TMEM132D: variants seen among roughly 807,000 people sequenced by gnomAD.
TMEM132D encodes the protein mature OL transmembrane protein.
In TMEM132D, 21 loss-of-function variants were observed where a neutral mutation model predicts 62.3. The ratio of observed to expected loss-of-function variants is 0.34; its 90% CI spans 0.24 to 0.49. The LOEUF (loss-of-function observed/expected upper bound fraction) is 0.49, where lower values mean the gene tolerates loss of function less well. Among genes scored for constraint, TMEM132D ranks in the 20% least tolerant of loss-of-function variants. The pLI, the probability that TMEM132D is intolerant of heterozygous loss-of-function variation, is 0.99. For missense variants in TMEM132D, 1,346 were observed against 1,402.8 expected (o/e 0.96, Z 0.65); for synonymous variants, 621 against 575.6 (o/e 1.08, Z -1.13).
At chr12:129,640,278 A>G (rs1879609077) in intron 2 of TMEM132D, among the ~76,000 whole-genome samples, 2 of 151,524 alleles carry the variant, frequency 1.3e-5, no homozygotes, top group South Asian at 4.2e-4. Flanking sequence ...GTTTAGCAGG[A>G]AAAAAAAGCC....
rs538780220 is a variant in TMEM132D at position 129,693,052 on chromosome 12, A to C, written c.968+6758T>G. Among the ~76,000 whole-genome samples, 299 of 152,296 alleles carry C rather than the reference A, an allele frequency of 2.0e-3. 3 individuals are homozygous for C. The highest frequency in any genetic ancestry group is 6.8e-3 in the African/African-American group (283 of 41,544). On this transcript the variant is annotated intron_variant, in intron 2 of 8. Transcript: ENST00000422113. ...GTACAATAAGTTTTGATAAAGAAAA[A>C]ACTCTTAGCAAACTAAGAAGGAAAG...
chr12:129,529,543 G>A (rs1246220995), intron 3 of TMEM132D, among the ~76,000 whole-genome samples: 1 of 152,200 alleles, frequency 6.6e-6, no homozygotes, highest in Non-Finnish European at 1.5e-5. Flanking sequence ...AACTCCCTCA[G>A]TCTCTCATAG....
chr12:129,515,669 A>G (rs1208044282), intron 3 of TMEM132D, among the ~76,000 whole-genome samples: 1 of 152,190 alleles, frequency 6.6e-6, no homozygotes, highest in Non-Finnish European at 1.5e-5. Context: ...CCCTCATTCC[A>G]GAGGGGTCCT....
intron 3 of TMEM132D, among the ~76,000 whole-genome samples, chr12:129,394,913 C>T (rs937030022): frequency 3.9e-5 from 6 of 152,180 alleles, no homozygotes; most frequent in South Asian, 2.1e-4. Flanking sequence ...GCAATAGGTA[C>T]ACTCCTCTGT....
At chr12:129,293,971 G>A (rs1282087389) in intron 4 of TMEM132D, among the ~76,000 whole-genome samples, 2 of 152,072 alleles carry the variant, frequency 1.3e-5, no homozygotes, top group African/African-American at 4.8e-5. Context: ...GAGGAGAGGG[G>A]GGCCCCACAG....
intron 2 of TMEM132D, among the ~76,000 whole-genome samples, chr12:129,628,464 G>A (rs1879276563): frequency 6.6e-6 from 1 of 152,302 alleles, no homozygotes; most frequent in South Asian, 2.1e-4. Context: ...TCTGTACCCT[G>A]CTGACCATTA....
At chr12:129,080,341 C>T (rs1874409937) in intron 7 of TMEM132D, among the ~76,000 whole-genome samples, 2 of 152,198 alleles carry the variant, frequency 1.3e-5, no homozygotes, top group Non-Finnish European at 2.9e-5. Flanking sequence ...CCTGTTGTCT[C>T]TCTAACACTC....
At chr12:129,695,767 C>T (rs1319636670) in intron 2 of TMEM132D, among the ~76,000 whole-genome samples, 4 of 152,174 alleles carry the variant, frequency 2.6e-5, no homozygotes, top group Non-Finnish European at 4.4e-5. Context: ...AGCTTATGTG[C>T]GGATAACGAG....
chr12:129,279,408 G>A (rs1881082469), intron 4 of TMEM132D, among the ~76,000 whole-genome samples: 1 of 152,054 alleles, frequency 6.6e-6, no homozygotes, highest in African/African-American at 2.4e-5. Context: ...TTTTGGGAAT[G>A]GGGACTTTTT....
intron 4 of TMEM132D, among the ~76,000 whole-genome samples, chr12:129,310,514 C>T (rs1192689063): frequency 6.6e-6 from 1 of 152,200 alleles, no homozygotes. Flanking sequence ...ACTCTCCTCC[C>T]TCCCTCTGAG....
rs530419226 is a variant in TMEM132D at position 129,687,055 on chromosome 12, G to A, written c.968+12755C>T. On this transcript the variant is annotated intron_variant, in intron 2 of 8. Coordinates refer to ENST00000422113, the MANE Select transcript of TMEM132D (RefSeq NM_133448.3). The stretch of plus-strand genomic sequence containing the variant: ...TAGGAGCAAACTGCTCCTTTCAAAT[G>A]TGTTTATCTCAAATTCCTTGCAAGG... Among the ~76,000 whole-genome samples, 3 of 152,272 alleles carry A rather than the reference G, an allele frequency of 2.0e-5. No individual in the cohort carries two copies. In the East Asian group the frequency reaches 5.8e-4, roughly 29 times the overall value.
At position 129,173,608 on chromosome 12, in the gene TMEM132D, C is replaced by T. The variant is rs78474857; in HGVS notation, c.1443+35912G>A. ...AATCTTCTTTTGTGATTTATGTTTACGCCAGTGTTCAATTCTAGCACCTTC... is the reference window on the plus strand; with the variant it reads ...AATCTTCTTTTGTGATTTATGTTTATGCCAGTGTTCAATTCTAGCACCTTC... On this transcript the variant is annotated intron_variant, in intron 5 of 8. Coordinates refer to ENST00000422113, the MANE Select transcript of TMEM132D (RefSeq NM_133448.3). 1.3e-3 allele frequency among the ~76,000 whole-genome samples: 194 copies of T among 152,266 alleles called. 1 individual carries two copies. The highest frequency in any genetic ancestry group is 3.8e-3 in the African/African-American group (160 of 41,566).
chr12:129,552,880 G>A (rs377521472), intron 2 of TMEM132D, among the ~76,000 whole-genome samples: 10 of 151,390 alleles, frequency 6.6e-5, no homozygotes, highest in East Asian at 3.9e-4. Flanking sequence ...TCTATTTATC[G>A]ATCAGTCATA....
At chr12:129,653,522 T>A (rs896597443) in intron 2 of TMEM132D, among the ~76,000 whole-genome samples, 2 of 152,202 alleles carry the variant, frequency 1.3e-5, no homozygotes, top group Non-Finnish European at 2.9e-5. Context: ...CTGGATAAGA[T>A]AATTCGTATC....
rs370555951 is a variant in TMEM132D at position 129,646,839 on chromosome 12, A to T, written c.968+52971T>A. ...TTTGATATGGAGTTTTGCTCTTGTC[A>T]CCCAGGCTACAGTGCAATGGTGCAA... On this transcript the variant is annotated intron_variant, in intron 2 of 8. Coordinates refer to ENST00000422113, the MANE Select transcript of TMEM132D (RefSeq NM_133448.3). Among the ~76,000 whole-genome samples the T allele has an allele frequency of 4.2e-4, 62 of 145,950 alleles. 1 individual carries two copies. The highest frequency in any genetic ancestry group is 1.5e-3 in the African/African-American group (56 of 38,226).
chr12:129,513,650 A>C (rs1251813158), intron 3 of TMEM132D, among the ~76,000 whole-genome samples: 1 of 149,566 alleles, frequency 6.7e-6, no homozygotes, highest in Non-Finnish European at 1.5e-5. Context: ...ACGCCCGGAT[A>C]ATTTTTTTGT....
At chr12:129,081,114 G>A (rs756599240) in intron 7 of TMEM132D, among the ~76,000 whole-genome samples, 1 of 152,308 alleles carries the variant, frequency 6.6e-6, no homozygotes, top group South Asian at 2.1e-4. Flanking sequence ...GTTGCTGGCC[G>A]TGCCTGTGAT....
chr12:129,129,640 C>T (rs983688152), intron 5 of TMEM132D, among the ~76,000 whole-genome samples: 14 of 152,208 alleles, frequency 9.2e-5, no homozygotes, highest in Non-Finnish European at 1.5e-4. Context: ...TGCACAGCCT[C>T]GCCAGCTCTG....
chr12:129,823,749 T>A (rs1412730426), intron 1 of TMEM132D, among the ~76,000 whole-genome samples: 1 of 152,242 alleles, frequency 6.6e-6, no homozygotes, highest in Admixed American at 6.5e-5. Flanking sequence ...TTGCTAGCTA[T>A]GTCACATTTA....
Sources: gnomAD v4.1 joint callset for allele counts (sites outside exome capture counted in the v4.1 genomes callset) on GRCh38, gnomAD v4.1.1 for gene constraint, MANE v1.5 for transcripts, NCBI Gene and HGNC (gene_info 2026-07-23, HGNC 2026-07-21) for gene names.